LRMDA: variants seen among roughly 807,000 people sequenced by gnomAD.
The protein encoded by LRMDA is leucine-rich melanocyte differentiation-associated protein.
In LRMDA, 18 loss-of-function variants were observed where a neutral mutation model predicts 29.8. The ratio of observed to expected loss-of-function variants is 0.60; its 90% CI spans 0.42 to 0.90. The LOEUF is 0.90. LRMDA is among the 40% of genes least tolerant of loss of function. The pLI is 0.00. For synonymous variants in LRMDA, 125 were observed against 109.4 expected (o/e 1.14, Z -0.89); for missense variants, 273 against 273.9 (o/e 1.00, Z 0.02).
chr10:76,428,931 A>G (rs1842159535), intron 6 of LRMDA, among the ~76,000 whole-genome samples: 1 of 152,060 alleles, frequency 6.6e-6, no homozygotes, highest in African/African-American at 2.4e-5. Flanking sequence ...ATTTGTATCC[A>G]TTTGCCTTTC....
chr10:75,501,230 G>A (rs901310445), intron 2 of LRMDA, among the ~76,000 whole-genome samples: 1 of 152,042 alleles, frequency 6.6e-6, no homozygotes, highest in African/African-American at 2.4e-5. Context: ...AATGATAATA[G>A]TCCTGAATAT....
chr10:76,277,527 T>C (rs960410355), intron 5 of LRMDA, among the ~76,000 whole-genome samples: 1 of 152,230 alleles, frequency 6.6e-6, no homozygotes, highest in African/African-American at 2.4e-5. Context: ...GGATTTTTTT[T>C]TCTGCTGTTC....
At chr10:76,320,093 G>T (rs958026526) in intron 5 of LRMDA, among the ~76,000 whole-genome samples, 1 of 152,118 alleles carries the variant, frequency 6.6e-6, no homozygotes, top group Non-Finnish European at 1.5e-5. Context: ...TATCAGTTTT[G>T]GTAATCACCG....
intron 5 of LRMDA, among the ~76,000 whole-genome samples, chr10:76,181,459 A>G (rs1011510926): frequency 1.1e-4 from 17 of 152,230 alleles, no homozygotes; most frequent in Non-Finnish European, 2.4e-4. Context: ...GAGCATGAGA[A>G]AACACTAACG....
chr10:75,808,887 T>C (rs1206661378), intron 2 of LRMDA, among the ~76,000 whole-genome samples: 3 of 152,192 alleles, frequency 2.0e-5, no homozygotes, highest in Non-Finnish European at 2.9e-5. Context: ...TCCACAATTA[T>C]GGTAGGAAAA....
chr10:76,509,961 A>C (rs367693293), intron 6 of LRMDA, among the ~76,000 whole-genome samples: 2 of 152,334 alleles, frequency 1.3e-5, no homozygotes, highest in East Asian at 1.9e-4. Flanking sequence ...GTTTAAAACT[A>C]GTATGCTCCA....
chr10:75,463,165 G>A (rs1844607748), intron 2 of LRMDA, among the ~76,000 whole-genome samples: 1 of 152,196 alleles, frequency 6.6e-6, no homozygotes, highest in Non-Finnish European at 1.5e-5. Flanking sequence ...TAGAGTTGGT[G>A]AGGACAGGGT....
chr10:75,782,731 G>A lies in LRMDA; in HGVS notation c.132-253277G>A, dbSNP rs149387723. Reference sequence around the variant, plus strand: ...GCACTTGTGAGATGGAGACCGGGGCGAAACTGCAAGCAGATGCCCTTTGCT... The same window carrying A: ...GCACTTGTGAGATGGAGACCGGGGCAAAACTGCAAGCAGATGCCCTTTGCT... On this transcript the variant is annotated intron_variant, in intron 2 of 6. Coordinates refer to ENST00000611255, the MANE Select transcript of LRMDA (RefSeq NM_001305581.2). 1,316 of 1,325,448 alleles carry A rather than the reference G, an allele frequency of 9.9e-4. 2 individuals carry two copies. Among genetic ancestry groups the A allele is most frequent in the Middle Eastern group, 1.8e-3 (6 of 3,410 alleles). The allele number at this position is 1,325,448 out of a possible 1,614,324, so 82.1% of individuals were successfully genotyped here. A position where few individuals can be genotyped will look rare whatever the true frequency, so the allele number is the denominator to read the frequency against.
chr10:76,344,954 A>G (rs1335272505), intron 6 of LRMDA, among the ~76,000 whole-genome samples: 1 of 151,792 alleles, frequency 6.6e-6, no homozygotes, highest in Non-Finnish European at 1.5e-5. Context: ...AAGATAACTC[A>G]TAATTCAGAA....
At chr10:75,454,093 C>T (rs954957849) in intron 2 of LRMDA, among the ~76,000 whole-genome samples, 3 of 152,104 alleles carry the variant, frequency 2.0e-5, no homozygotes, top group Admixed American at 1.3e-4. Context: ...GACTGCCTGC[C>T]TGGATTCTTC....
intron 2 of LRMDA, among the ~76,000 whole-genome samples, chr10:75,815,156 C>T (rs990310139): frequency 2.0e-5 from 3 of 152,148 alleles, no homozygotes; most frequent in African/African-American, 7.2e-5. Context: ...GTTCACTAGA[C>T]TCAGGCTTAG....
At chr10:75,547,800 G>A (rs970074341) in intron 2 of LRMDA, among the ~76,000 whole-genome samples, 1 of 152,154 alleles carries the variant, frequency 6.6e-6, no homozygotes. Context: ...ATTTATTAAA[G>A]GGAATAAAAA....
intron 2 of LRMDA, among the ~76,000 whole-genome samples, chr10:75,592,847 G>A (rs768286704): frequency 2.0e-5 from 3 of 152,208 alleles, no homozygotes; most frequent in East Asian, 1.9e-4. Flanking sequence ...AGTCACAGAT[G>A]CCTAGTTTTA....
chr10:75,565,790 G>A (rs1428561921), intron 2 of LRMDA, among the ~76,000 whole-genome samples: 2 of 152,236 alleles, frequency 1.3e-5, no homozygotes, highest in Non-Finnish European at 2.9e-5. Flanking sequence ...AAAGGACAGA[G>A]GAGGCTGGGC....
chr10:75,961,745 T>A (rs1846770286), intron 2 of LRMDA, among the ~76,000 whole-genome samples: 1 of 152,216 alleles, frequency 6.6e-6, no homozygotes, highest in Non-Finnish European at 1.5e-5. Context: ...GTTGCATTAA[T>A]TTGCTGGGAA....
At chr10:75,919,137 C>T (rs1279535102) in intron 2 of LRMDA, among the ~76,000 whole-genome samples, 1 of 152,152 alleles carries the variant, frequency 6.6e-6, no homozygotes, top group Non-Finnish European at 1.5e-5. Flanking sequence ...AGTGAATTGA[C>T]TGAAGTCATA....
At chr10:75,816,402 C>T (rs537684986) in intron 2 of LRMDA, among the ~76,000 whole-genome samples, 10 of 152,116 alleles carry the variant, frequency 6.6e-5, no homozygotes, top group South Asian at 6.2e-4. Context: ...CCAGAGAAGA[C>T]GAGCATCCTG....
At chr10:75,651,524 G>C (rs1160084317) in intron 2 of LRMDA, among the ~76,000 whole-genome samples, 1 of 152,170 alleles carries the variant, frequency 6.6e-6, no homozygotes, top group African/African-American at 2.4e-5. Flanking sequence ...GGACACTCAA[G>C]GAAAAATATT....
At chr10:75,614,744 T>A (rs891792017) in intron 2 of LRMDA, among the ~76,000 whole-genome samples, 1 of 152,158 alleles carries the variant, frequency 6.6e-6, no homozygotes, top group African/African-American at 2.4e-5. Context: ...ATGCACTGTT[T>A]AATATACAAG....
Sources: gnomAD v4.1 joint callset for allele counts (sites outside exome capture counted in the v4.1 genomes callset) on GRCh38, gnomAD v4.1.1 for gene constraint, MANE v1.5 for transcripts, NCBI Gene and HGNC (gene_info 2026-07-23, HGNC 2026-07-21) for gene names.